The following CCDC171 variants were observed in gnomAD, a reference collection of about 807,000 sequenced individuals.
CCDC171 encodes coiled-coil domain-containing protein 171.
Under a neutral mutation model 168.2 loss-of-function variants are expected in CCDC171, and 177 were observed. The observed-to-expected ratio is 1.05, with a 90% CI of 0.93 to 1.19. The LOEUF is 1.19. CCDC171 is among the 50% of genes most tolerant of loss of function. CCDC171 has a pLI of 0.00. For missense variants in CCDC171, 1,991 were observed against 1,539.0 expected (o/e 1.29, Z -4.91); for synonymous variants, 687 against 540.8 (o/e 1.27, Z -3.75).
intron 24 of CCDC171, among the ~76,000 whole-genome samples, chr9:15,916,162 CCT>C (rs958641194): frequency 6.6e-6 from 1 of 151,566 alleles, no homozygotes; most frequent in African/African-American, 2.4e-5. Context: ...ATAATTTACA[CCT>C]CTCAGAAATA....
At chr9:15,793,932 T>G (rs1183577008) in intron 21 of CCDC171, among the ~76,000 whole-genome samples, 1 of 152,108 alleles carries the variant, frequency 6.6e-6, no homozygotes, top group African/African-American at 2.4e-5. Context: ...ATTTATTCTA[T>G]AATGATAGTT....
chr9:15,957,385 A>T (rs997190184), intron 25 of CCDC171, among the ~76,000 whole-genome samples: 6 of 152,160 alleles, frequency 3.9e-5, no homozygotes, highest in Non-Finnish European at 8.8e-5. Flanking sequence ...GTTCCCGCAG[A>T]CTGGAACACA....
rs961822287 is a variant in CCDC171 at position 15,597,241 on chromosome 9, C to T, written c.675+3069C>T. Among the ~76,000 whole-genome samples the T allele has an allele frequency of 3.3e-4, 50 of 152,202 alleles. 1 individual carries two copies. The highest frequency in any genetic ancestry group is 3.4e-3 in the Middle Eastern group (1 of 294). On this transcript the variant is annotated intron_variant, in intron 6 of 25. Transcript: ENST00000380701. ...CTTGTGCCAGTTTTCAAAGGGAATG[C>T]TTCCAGTTTTTGCCCATTCAGTATG...
At chr9:15,746,474 A>G (rs560171017) in intron 18 of CCDC171, among the ~76,000 whole-genome samples, 4 of 152,254 alleles carry the variant, frequency 2.6e-5, no homozygotes, top group Non-Finnish European at 4.4e-5. Flanking sequence ...ATGTATTGGC[A>G]GAACCTCAAG....
intron 11 of CCDC171, among the ~76,000 whole-genome samples, chr9:15,697,867 A>G (rs528509099): frequency 6.6e-6 from 1 of 152,282 alleles, no homozygotes; most frequent in South Asian, 2.1e-4. Flanking sequence ...AAAAATGGAT[A>G]CAGAATAATT....
At chr9:15,865,619 C>T (rs759967037) in intron 23 of CCDC171, among the ~76,000 whole-genome samples, 2 of 151,848 alleles carry the variant, frequency 1.3e-5, no homozygotes, top group Non-Finnish European at 2.9e-5. Context: ...CTCTTCCTTA[C>T]GATTTTCTTA....
At chr9:15,951,136 G>A (rs4333709) in intron 25 of CCDC171, among the ~76,000 whole-genome samples, 66,613 of 149,346 alleles carry the variant, frequency 0.45, 15,138 homozygotes, top group African/African-American at 0.51. Context: ...AGTCCTGAGC[G>A]ACCTACAAAG....
intron 3 of CCDC171, among the ~76,000 whole-genome samples, chr9:16,019,150 A>T (rs1416126352): frequency 6.6e-6 from 1 of 152,158 alleles, no homozygotes; most frequent in East Asian, 1.9e-4. Flanking sequence ...CTTTTATGAA[A>T]TTGTCAATGG....
At chr9:15,557,430 G>A (rs1487336267) in intron 1 of CCDC171, among the ~76,000 whole-genome samples, 1 of 152,100 alleles carries the variant, frequency 6.6e-6, no homozygotes, top group African/African-American at 2.4e-5. Flanking sequence ...GCAGTGGTTT[G>A]TAGTTCTCCT....
In CCDC171 at chr9:15,735,696, GA is replaced by G. The variant is rs1399192494; in HGVS notation, c.2049+5900del. Among the ~76,000 whole-genome samples the G allele has an allele frequency of 3.9e-5, 6 of 152,226 alleles. No homozygotes were observed. In the East Asian group the frequency reaches 9.7e-4, roughly 25 times the overall value. On this transcript the variant is annotated intron_variant, in intron 16 of 25. Transcript: ENST00000380701. ...TTTTTTCTTCATAATTGAACTCCAA[GA>G]ATATTCAGAGATAAAGTGGAGCTTA...
At chr9:15,594,253 C>A in intron 6 of CCDC171, 81 bp downstream of exon 6, 3 of 787,038 alleles carry the variant, frequency 3.8e-6, no homozygotes, top group Non-Finnish European at 5.9e-6. Flanking sequence ...GGATAACTGA[C>A]TCGCTCAAAG....
upstream of CCDC171, among the ~76,000 whole-genome samples, chr9:16,039,606 C>A (rs1020309284): frequency 6.6e-6 from 1 of 152,198 alleles, no homozygotes; most frequent in Non-Finnish European, 1.5e-5. Context: ...CGTCTAGCCT[C>A]CTTCTGCTGT....
chr9:16,065,649 G>T (rs1268229765), downstream of CCDC171, among the ~76,000 whole-genome samples: 1 of 152,164 alleles, frequency 6.6e-6, no homozygotes, highest in African/African-American at 2.4e-5. Context: ...TGGAATATTT[G>T]CTTTAGAAAC....
At chr9:16,029,203 T>C (rs979834487) in intron 6 of CCDC171, among the ~76,000 whole-genome samples, 1 of 152,174 alleles carries the variant, frequency 6.6e-6, no homozygotes, top group Non-Finnish European at 1.5e-5. Context: ...ATCTTCTGAT[T>C]TGGGCTTGTT....
chr9:15,752,426 A>C (rs1025452936), intron 18 of CCDC171, among the ~76,000 whole-genome samples: 3 of 152,230 alleles, frequency 2.0e-5, no homozygotes, highest in Non-Finnish European at 4.4e-5. Flanking sequence ...ATTGTAAATC[A>C]TGCTACTATA....
At chr9:15,863,354 C>T (rs1314807409) in intron 23 of CCDC171, among the ~76,000 whole-genome samples, 4 of 151,946 alleles carry the variant, frequency 2.6e-5, no homozygotes, top group Admixed American at 2.6e-4. Flanking sequence ...TCTTGAATTT[C>T]CATAAAGGGA....
intron 6 of CCDC171, among the ~76,000 whole-genome samples, chr9:15,606,223 A>T (rs1371553149): frequency 6.6e-6 from 1 of 152,180 alleles, no homozygotes; most frequent in Non-Finnish European, 1.5e-5. Flanking sequence ...AACCGCAGAT[A>T]AGAGGGAATA....
At chr9:15,851,387 A>G (rs1270311511) in intron 23 of CCDC171, among the ~76,000 whole-genome samples, 1 of 150,722 alleles carries the variant, frequency 6.6e-6, no homozygotes, top group Non-Finnish European at 1.5e-5. Flanking sequence ...TATTTATGCC[A>G]GTTTTTAATG....
At position 15,746,434 on chromosome 9, in the gene CCDC171, A is replaced by G. The variant is rs143884861; in HGVS notation, c.2671+803A>G. On this transcript the variant is annotated intron_variant, in intron 18 of 25. Coordinates refer to ENST00000380701, the MANE Select transcript of CCDC171 (RefSeq NM_173550.4). ...TAAAGATTATTTTTAAGTTGTGGCC[A>G]TCGATGTTGGTAAGCAATGCGCATA... 7.7e-4 allele frequency among the ~76,000 whole-genome samples: 117 copies of G among 152,352 alleles called. 2 individuals carry two copies. The highest frequency in any genetic ancestry group is 2.4e-3 in the African/African-American group (100 of 41,594).
Sources: gnomAD v4.1 joint callset for allele counts (sites outside exome capture counted in the v4.1 genomes callset) on GRCh38, gnomAD v4.1.1 for gene constraint, MANE v1.5 for transcripts, NCBI Gene and HGNC (gene_info 2026-07-23, HGNC 2026-07-21) for gene names.